The following CDH13 variants were observed in gnomAD, a reference collection of about 807,000 sequenced individuals.
CDH13 encodes cadherin 13, also known as cadherin-13.
In CDH13, 24 loss-of-function variants were observed where a neutral mutation model predicts 63.8. The observed-to-expected ratio is 0.38, with a 90% CI of 0.27 to 0.53. The LOEUF is 0.53. Ranked by LOEUF, CDH13 falls within the 20% of genes least tolerant of loss-of-function variation. The pLI is 0.85. For missense variants in CDH13, 1,049 were observed against 903.1 expected (o/e 1.16, Z -2.07); for synonymous variants, 503 against 355.3 (o/e 1.42, Z -4.67).
chr16:83,583,426 G>A (rs1379541373), intron 7 of CDH13, among the ~76,000 whole-genome samples: 2 of 152,304 alleles, frequency 1.3e-5, no homozygotes, highest in African/African-American at 4.8e-5. Context: ...TGATTTTAAA[G>A]CTCATATCTC....
At position 83,483,635 on chromosome 16, in the gene CDH13, C is replaced by G. The variant is rs541069645; in HGVS notation, c.782-2842C>G. ...ATTAACTAAGTGCAAGGCCCTGGGT[C>G]AAGTGTACTTAACTGGAGACTGGTG... On this transcript the variant is annotated intron_variant, in intron 6 of 13. Transcript: ENST00000567109. Among the ~76,000 whole-genome samples the G allele has an allele frequency of 2.6e-5, 4 of 152,224 alleles. No individual in the cohort carries two copies. The South Asian group carries it at 8.3e-4, about 32-fold the overall frequency.
At chr16:83,437,628 G>C (rs919667936) in intron 6 of CDH13, among the ~76,000 whole-genome samples, 1 of 152,026 alleles carries the variant, frequency 6.6e-6, no homozygotes, top group Non-Finnish European at 1.5e-5. Context: ...AGTGAGCCAA[G>C]ATCATGCCAC....
chr16:83,070,599 A>G (rs1044641880), intron 3 of CDH13, among the ~76,000 whole-genome samples: 2 of 152,196 alleles, frequency 1.3e-5, no homozygotes, highest in South Asian at 2.1e-4. Context: ...AAAAGCAAAC[A>G]TGACTAATAT....
At chr16:83,276,328 T>G (rs78841359) in intron 5 of CDH13, among the ~76,000 whole-genome samples, 1 of 152,186 alleles carries the variant, frequency 6.6e-6, no homozygotes, top group African/African-American at 2.4e-5. Flanking sequence ...ATTGAATAAG[T>G]TGAGGGTTTC....
Position 83,539,381 on chromosome 16 carries a change from C to T in CDH13, c.960+52726C>T, listed in dbSNP as rs376244510. ...GGTGGTCATGCTCACTCACTTGCCA[C>T]TCCCCTCCTGCTGTGCGACTCGGTT... On this transcript the variant is annotated intron_variant, in intron 7 of 13. Transcript: ENST00000567109. Among the ~76,000 whole-genome samples the T allele has an allele frequency of 1.7e-4, 26 of 152,290 alleles. No individual in the cohort carries two copies. The East Asian group carries it at 5.0e-3, about 29-fold the overall frequency.
intron 5 of CDH13, among the ~76,000 whole-genome samples, chr16:83,341,850 A>G (rs1392174712): frequency 6.6e-6 from 1 of 152,154 alleles, no homozygotes; most frequent in East Asian, 1.9e-4. Flanking sequence ...TGCTATTGCT[A>G]TTCCTGCGGT....
intron 2 of CDH13, among the ~76,000 whole-genome samples, chr16:82,931,145 A>C (rs1431727362): frequency 6.6e-6 from 1 of 152,204 alleles, no homozygotes; most frequent in Non-Finnish European, 1.5e-5. Flanking sequence ...ACTCTGCCCA[A>C]GAAACCTGCT....
At chr16:82,860,571 A>G (rs1390267320) in intron 2 of CDH13, among the ~76,000 whole-genome samples, 2 of 152,052 alleles carry the variant, frequency 1.3e-5, no homozygotes, top group Non-Finnish European at 2.9e-5. Context: ...ATGCTTGTAT[A>G]TGAGTTGTTG....
At chr16:83,349,166 A>T (rs950757700) in intron 6 of CDH13, among the ~76,000 whole-genome samples, 1 of 152,228 alleles carries the variant, frequency 6.6e-6, no homozygotes, top group African/African-American at 2.4e-5. Context: ...TTGACTTTGC[A>T]GATCGTGAGC....
chr16:83,240,019 G>T (rs980837898), intron 5 of CDH13, among the ~76,000 whole-genome samples: 32 of 152,282 alleles, frequency 2.1e-4, no homozygotes, highest in Middle Eastern at 3.4e-3. Flanking sequence ...AGCCCCACAG[G>T]TGTACAGCCA....
intron 1 of CDH13, among the ~76,000 whole-genome samples, chr16:82,701,258 C>T (rs569078065): frequency 2.0e-5 from 3 of 152,274 alleles, no homozygotes; most frequent in East Asian, 3.9e-4. Flanking sequence ...GGGCATGGCC[C>T]TAGTTCAAGG....
chr16:83,402,079 G>T (rs932190215), intron 6 of CDH13, among the ~76,000 whole-genome samples: 6 of 152,110 alleles, frequency 3.9e-5, no homozygotes, highest in Non-Finnish European at 8.8e-5. Flanking sequence ...AGAGTACATA[G>T]GTGTTAGAGG....
intron 4 of CDH13, among the ~76,000 whole-genome samples, chr16:83,170,261 C>T (rs918646586): frequency 6.6e-6 from 1 of 151,966 alleles, no homozygotes; most frequent in Non-Finnish European, 1.5e-5. Context: ...TTGATTTTTC[C>T]TCTAGAAAAA....
At chr16:83,625,079 C>T (rs1309992348) in intron 8 of CDH13, among the ~76,000 whole-genome samples, 1 of 152,076 alleles carries the variant, frequency 6.6e-6, no homozygotes, top group Admixed American at 6.5e-5. Flanking sequence ...AGGGCTTTTC[C>T]CCCTGAATTG....
intron 2 of CDH13, among the ~76,000 whole-genome samples, chr16:82,950,861 G>C (rs571418560): frequency 8.1e-5 from 12 of 147,604 alleles, no homozygotes; most frequent in Non-Finnish European, 5.9e-5. Flanking sequence ...ACCCACAGCA[G>C]TGAGAGAGTT....
At chr16:83,109,745 C>G (rs573676041) in intron 3 of CDH13, among the ~76,000 whole-genome samples, 120 of 152,276 alleles carry the variant, frequency 7.9e-4, no homozygotes, top group African/African-American at 2.7e-3. Flanking sequence ...CAGCTGGTCA[C>G]AAGTAGCTAT....
At position 83,068,044 on chromosome 16, in the gene CDH13, C is replaced by T. The variant is rs568479307; in HGVS notation, c.366+35826C>T. Among the ~76,000 whole-genome samples, 156 of 152,292 alleles carry T rather than the reference C, an allele frequency of 1.0e-3. 1 individual carries two copies. Among genetic ancestry groups the T allele is most frequent in the Middle Eastern group, 0.01 (3 of 294 alleles). ...ATCCTCCCAGCTCCTCTATTAGATC[C>T]ATATGACTGCCACTTTGTGAAAGAT... On this transcript the variant is annotated intron_variant, in intron 3 of 13. Transcript: ENST00000567109.
chr16:82,884,495 AC>A (rs1204429970), intron 2 of CDH13: 1 of 252,444 alleles, frequency 4.0e-6, no homozygotes, highest in African/African-American at 2.2e-5. Context: ...ACACCATGTC[AC>A]CCAAGGTAAG....
At chr16:82,966,439 G>T (rs1414636571) in intron 2 of CDH13, among the ~76,000 whole-genome samples, 1 of 152,142 alleles carries the variant, frequency 6.6e-6, no homozygotes, top group African/African-American at 2.4e-5. Context: ...GAGCCAGCGC[G>T]CCTGGCCTAT....
Sources: allele counts gnomAD v4.1 joint callset (sites outside exome capture counted in the v4.1 genomes callset), GRCh38; gene constraint gnomAD v4.1.1; transcripts MANE v1.5; gene names NCBI Gene and HGNC (gene_info 2026-07-23, HGNC 2026-07-21).